The following ZNF475 variants were observed in gnomAD, a reference collection of about 807,000 sequenced individuals.
ZNF475 encodes zinc finger protein 475.
chr5:122,167,610 A>C, the ZNF475 span, among the ~76,000 whole-genome samples: 1 of 152,140 alleles, frequency 6.6e-6, no homozygotes, highest in African/African-American at 2.4e-5. Flanking sequence ...ATGCAAAAAT[A>C]CTCCACTAAA....
the ZNF475 span, among the ~76,000 whole-genome samples, chr5:122,174,155 G>T: frequency 6.6e-6 from 1 of 152,148 alleles, no homozygotes; most frequent in Admixed American, 6.5e-5. Flanking sequence ...GGGGCCTTCT[G>T]CTGGTTCTGC....
At chr5:122,163,644 G>A in the ZNF475 span, among the ~76,000 whole-genome samples, 11 of 152,224 alleles carry the variant, frequency 7.2e-5, no homozygotes, top group African/African-American at 2.7e-4. Context: ...TTGATGGAAT[G>A]ACACACATTC....
chr5:122,163,501 T>C, the ZNF475 span, among the ~76,000 whole-genome samples: 1 of 152,234 alleles, frequency 6.6e-6, no homozygotes, highest in South Asian at 2.1e-4. Context: ...TTCTATGATA[T>C]GCCCTGTGCA....
chr5:122,165,917 G>C, the ZNF475 span, among the ~76,000 whole-genome samples: 3 of 152,168 alleles, frequency 2.0e-5, no homozygotes, highest in Non-Finnish European at 4.4e-5. Context: ...CTTTGGCAAA[G>C]GCCCACTAAA....
the ZNF475 span, chr5:122,160,261 A>G: frequency 7.8e-7 from 1 of 1,289,790 alleles, no homozygotes; most frequent in South Asian, 1.2e-5. Context: ...CACAACACTA[A>G]GGTAACAGGA....
At chr5:122,167,023 G>A in the ZNF475 span, among the ~76,000 whole-genome samples, 16 of 152,288 alleles carry the variant, frequency 1.1e-4, no homozygotes, top group East Asian at 3.9e-4. Context: ...ATGGTATTGC[G>A]TAGGTTTTCT....
the ZNF475 span, chr5:122,179,921 A>T: frequency 4.4e-6 from 2 of 456,318 alleles, no homozygotes; most frequent in South Asian, 4.5e-5. Flanking sequence ...ATGCTGAGAC[A>T]TAAAGACACT....
chr5:122,170,948 C>T, the ZNF475 span, among the ~76,000 whole-genome samples: 3 of 152,170 alleles, frequency 2.0e-5, no homozygotes, highest in East Asian at 5.8e-4. Flanking sequence ...GCTCCTATCA[C>T]CCCTGTCACT....
the ZNF475 span, among the ~76,000 whole-genome samples, chr5:122,168,536 C>T: frequency 6.6e-6 from 1 of 152,160 alleles, no homozygotes; most frequent in Non-Finnish European, 1.5e-5. Flanking sequence ...CACGGTGAAA[C>T]CCCGTCTCTA....
the ZNF475 span, among the ~76,000 whole-genome samples, chr5:122,162,651 C>A: frequency 1.3e-5 from 2 of 152,072 alleles, no homozygotes; most frequent in Admixed American, 1.3e-4. Flanking sequence ...GGCCTCGCCT[C>A]ATATTCTAAT....
chr5:122,162,282 A>G, the ZNF475 span: 2 of 152,252 alleles, frequency 1.3e-5, no homozygotes, highest in Non-Finnish European at 2.9e-5. Context: ...TGGTTGGCCA[A>G]TAGACAGACC....
chr5:122,168,290 C>T, the ZNF475 span, among the ~76,000 whole-genome samples: 17 of 152,192 alleles, frequency 1.1e-4, no homozygotes, highest in Admixed American at 5.9e-4. Flanking sequence ...GTGATCCGCC[C>T]GCCTCGGCCT....
At chr5:122,167,227 A>T in the ZNF475 span, among the ~76,000 whole-genome samples, 1 of 152,118 alleles carries the variant, frequency 6.6e-6, no homozygotes, top group African/African-American at 2.4e-5. Context: ...CTTTTATGTT[A>T]TTCATCTCTG....
At chr5:122,170,875 T>C in the ZNF475 span, among the ~76,000 whole-genome samples, 2 of 152,106 alleles carry the variant, frequency 1.3e-5, no homozygotes, top group African/African-American at 4.8e-5. Context: ...CTCCCGGGGA[T>C]TCCAAAAGTC....
the ZNF475 span, among the ~76,000 whole-genome samples, chr5:122,166,537 C>A: frequency 6.6e-6 from 1 of 152,182 alleles, no homozygotes; most frequent in East Asian, 1.9e-4. Context: ...GTTCCCCACC[C>A]TGTGTCCAAA....
chr5:122,170,241 A>T, the ZNF475 span, among the ~76,000 whole-genome samples: 1 of 152,166 alleles, frequency 6.6e-6, no homozygotes, highest in Non-Finnish European at 1.5e-5. Flanking sequence ...TCTCCAGACA[A>T]CTGCGTGTTG....
chr5:122,179,767 G>C, the ZNF475 span: 1 of 1,385,072 alleles, frequency 7.2e-7, no homozygotes, highest in Non-Finnish European at 9.4e-7. Flanking sequence ...TGCATAAGGG[G>C]AGACTTTTCT....
the ZNF475 span, among the ~76,000 whole-genome samples, chr5:122,180,899 C>A: frequency 8.5e-5 from 13 of 152,194 alleles, no homozygotes; most frequent in Non-Finnish European, 1.6e-4. Context: ...AAATGACCAG[C>A]TACTGAAATT....
At chr5:122,170,895 C>T in the ZNF475 span, among the ~76,000 whole-genome samples, 1 of 152,146 alleles carries the variant, frequency 6.6e-6, no homozygotes, top group African/African-American at 2.4e-5. Context: ...CTTAGAAGCT[C>T]TTGTTTCAGA....
Sources: gnomAD v4.1 joint callset for allele counts (sites outside exome capture counted in the v4.1 genomes callset) on GRCh38, gnomAD v4.1.1 for gene constraint, MANE v1.5 for transcripts, NCBI Gene and HGNC (gene_info 2026-07-23, HGNC 2026-07-21) for gene names.